PIWIL1: variants seen among roughly 807,000 people sequenced by gnomAD.
PIWIL1 encodes the protein piwi-like protein 1.
In PIWIL1, 73 loss-of-function variants were observed where a neutral mutation model predicts 114.4. The ratio of observed to expected loss-of-function variants is 0.64; its 90% CI spans 0.53 to 0.78. The LOEUF (loss-of-function observed/expected upper bound fraction) is 0.78. Among genes scored for constraint, PIWIL1 ranks in the 30% least tolerant of loss-of-function variants. The pLI, the probability that PIWIL1 is intolerant of heterozygous loss-of-function variation, is 0.00. For missense variants in PIWIL1, 723 were observed against 1,063.1 expected (o/e 0.68, Z 4.45); for synonymous variants, 375 against 369.0 (o/e 1.02, Z -0.19).
chr12:130,384,966 T>C, the PIWIL1 span, among the ~76,000 whole-genome samples: 5 of 152,348 alleles, frequency 3.3e-5, no homozygotes, highest in African/African-American at 1.2e-4. Flanking sequence ...GGGAAAGATA[T>C]TTTAGAGAAA....
In PIWIL1 at chr12:130,356,907, C is replaced by T. The variant is rs1248636275; in HGVS notation, c.1405-11C>T. The stretch of plus-strand genomic sequence containing the variant: ...CAATGGAATTTACAGTGTGTCTGAA[C>T]TCTCTTCTAGTTTGATTACAATCCA... On this transcript the variant is annotated splice_polypyrimidine_tract_variant and intron_variant, in intron 12 of 20. Coordinates refer to ENST00000245255, the MANE Select transcript of PIWIL1 (RefSeq NM_004764.5). 3.8e-6 allele frequency: 6 copies of T among 1,585,186 alleles called. No homozygotes were observed. Among genetic ancestry groups the T allele is most frequent in the Non-Finnish European group, 8.6e-7 (1 of 1,160,812 alleles).
rs117708674 is a variant in PIWIL1, at chr12:130,352,099, C to T, written c.1044+2132C>T. 7.6e-3 allele frequency among the ~76,000 whole-genome samples: 1,159 copies of T among 152,218 alleles called. 19 individuals carry two copies. Among genetic ancestry groups the T allele is most frequent in the Non-Finnish European group, 8.6e-3 (582 of 68,024 alleles). ...GCTTCTTTCTCTAGGGAAGATTTCT[C>T]TGGAAATCAGGGATAATCAGATGTC... On this transcript the variant is annotated intron_variant, in intron 9 of 20. Transcript: ENST00000245255.
intron 18 of PIWIL1, among the ~76,000 whole-genome samples, chr12:130,365,256 A>C (rs1481444790): frequency 6.6e-6 from 1 of 152,208 alleles, no homozygotes; most frequent in East Asian, 1.9e-4. Flanking sequence ...AGTAGGGATC[A>C]GTGGTAAAAA....
chr12:130,414,288 C>A, the PIWIL1 span: 1 of 1,596,302 alleles, frequency 6.3e-7, no homozygotes, highest in African/African-American at 1.3e-5. Context: ...TGGAGAAAGG[C>A]GGTCTCGCCC....
intron 11 of PIWIL1, 118 bp from the exon 12 acceptor site, chr12:130,355,435 C>T (rs567744786): frequency 9.2e-6 from 7 of 758,460 alleles, no homozygotes; most frequent in African/African-American, 6.9e-5. Flanking sequence ...TTCTCACCAG[C>T]GCCTTCACCC....
chr12:130,420,882 C>A, the PIWIL1 span: 1 of 152,138 alleles, frequency 6.6e-6, no homozygotes, highest in African/African-American at 2.4e-5. The surrounding 1 kb of genome is among the most constrained non-coding windows in gnomAD (Gnocchi z 4.3). Flanking sequence ...AGTAGAAGAC[C>A]TACCATGCCT....
the PIWIL1 span, chr12:130,414,078 C>A: frequency 1.9e-6 from 3 of 1,598,330 alleles, no homozygotes; most frequent in Non-Finnish European, 1.7e-6. Context: ...ATGACCCAGA[C>A]CCGCCTCAGG....
chr12:130,399,603 A>G, the PIWIL1 span: 1 of 1,505,730 alleles, frequency 6.6e-7, no homozygotes, highest in East Asian at 2.3e-5. Context: ...ATATAAAAAT[A>G]TCAGTGCAAA....
At chr12:130,343,563 G>A (rs1227961410) in intron 3 of PIWIL1, among the ~76,000 whole-genome samples, 3 of 151,178 alleles carry the variant, frequency 2.0e-5, no homozygotes, top group African/African-American at 2.4e-5. Context: ...TTGTTAATTA[G>A]ACATTGTTTG....
rs373269589 is a variant in PIWIL1 at position 130,348,189 on chromosome 12, T to A, written c.734+6T>A. On this transcript the variant is annotated splice_donor_region_variant and intron_variant, in intron 7 of 20. Transcript: ENST00000245255. ...ATTGATATTCCAAGTCACAGGTTTG[T>A]ATGAAGTAGAACGTTTAATATTCCT... 6.5e-6 allele frequency: 10 copies of A among 1,543,288 alleles called. No individual in the cohort carries two copies. The African/African-American group carries it at 1.4e-4, about 21-fold the overall frequency.
At chr12:130,389,186 T>C in the PIWIL1 span, among the ~76,000 whole-genome samples, 1 of 152,124 alleles carries the variant, frequency 6.6e-6, no homozygotes, top group Non-Finnish European at 1.5e-5. Context: ...AAATATACCA[T>C]TGGCTTTTGT....
At chr12:130,416,264 C>T in the PIWIL1 span, among the ~76,000 whole-genome samples, 1,542 of 152,178 alleles carry the variant, frequency 0.01, 25 homozygotes, top group African/African-American at 0.036. Context: ...CCCAAATAGC[C>T]GAAGTGGTCT....
the PIWIL1 span, chr12:130,424,560 T>A: frequency 8.1e-7 from 1 of 1,231,990 alleles, no homozygotes; most frequent in Non-Finnish European, 1.0e-6. This position sits in a 1 kb window ranked among gnomAD's most constrained non-coding sequence, Gnocchi z 9.8. Context: ...ACAGCCCCTG[T>A]CTTCCAGAAG....
chr12:130,403,429 A>G, the PIWIL1 span, among the ~76,000 whole-genome samples: 1 of 151,558 alleles, frequency 6.6e-6, no homozygotes, highest in Non-Finnish European at 1.5e-5. Context: ...AAACATGCAG[A>G]CAAATTAGAA....
At chr12:130,392,083 G>GTC in the PIWIL1 span, among the ~76,000 whole-genome samples, 25 of 63,120 alleles carry the variant, frequency 4.0e-4, no homozygotes, top group South Asian at 6.1e-4. Flanking sequence ...TCACGTGGAT[G>GTC]CATCAGTTAC....
the PIWIL1 span, chr12:130,407,887 T>C: frequency 8.1e-6 from 12 of 1,488,958 alleles, no homozygotes; most frequent in Admixed American, 2.0e-4. Context: ...AACTTAGCGG[T>C]GTTCCCCTCC....
the PIWIL1 span, chr12:130,414,359 C>G: frequency 2.7e-6 from 4 of 1,498,050 alleles, no homozygotes; most frequent in East Asian, 9.2e-5. Flanking sequence ...AACTGAGGAG[C>G]GTGCACGGGA....
the PIWIL1 span, among the ~76,000 whole-genome samples, chr12:130,419,111 A>G: frequency 2.0e-5 from 3 of 152,222 alleles, no homozygotes; most frequent in Non-Finnish European, 4.4e-5. This position sits in a 1 kb window ranked among gnomAD's most constrained non-coding sequence, Gnocchi z 4.3. Flanking sequence ...CTCGACAGGG[A>G]AAGAGTAGCA....
At chr12:130,370,480 T>G (rs535679432) in intron 19 of PIWIL1, among the ~76,000 whole-genome samples, 6 of 152,334 alleles carry the variant, frequency 3.9e-5, no homozygotes, top group Admixed American at 3.3e-4. Context: ...GATGATACTT[T>G]CAAGTATATG....
Sources: gnomAD v4.1 joint callset for allele counts (sites outside exome capture counted in the v4.1 genomes callset) on GRCh38, gnomAD v4.1.1 for gene constraint, Gnocchi (gnomAD v3.1) non-coding constraint, MANE v1.5 for transcripts, NCBI Gene and HGNC (gene_info 2026-07-23, HGNC 2026-07-21) for gene names.